Variants in CSNK1E observed in about 807,000 individuals in gnomAD.
CSNK1E encodes the protein casein kinase 1 epsilon.
CSNK1E carries 17 observed loss-of-function variants against 46.1 expected under a neutral mutation model. The observed-to-expected ratio is 0.37, with a 90% CI of 0.25 to 0.55. The LOEUF (loss-of-function observed/expected upper bound fraction) is 0.55. CSNK1E is among the 20% of genes least tolerant of loss of function. The probability of loss-of-function intolerance (pLI) is 0.82; values close to 1 mark genes in which losing one functional copy is unlikely to be tolerated. For missense variants in CSNK1E, 386 were observed against 595.4 expected (o/e 0.65, Z 3.66); for synonymous variants, 241 against 242.6 (o/e 0.99, Z 0.06).
intron 1 of CSNK1E, among the ~76,000 whole-genome samples, chr22:38,315,636 AG>A (rs933675986): frequency 8.1e-6 from 1 of 123,318 alleles, no homozygotes; most frequent in Non-Finnish European, 1.7e-5. Context: ...TTGGGGGGTA[AG>A]GGGGGGTGTG....
At chr22:38,305,940 C>T (rs928798426) in intron 2 of CSNK1E, among the ~76,000 whole-genome samples, 3 of 152,230 alleles carry the variant, frequency 2.0e-5, no homozygotes, top group East Asian at 1.9e-4. Flanking sequence ...CAAAACAAGG[C>T]GGGGACAAGG....
At chr22:38,310,381 G>A (rs1012639956) in intron 2 of CSNK1E, among the ~76,000 whole-genome samples, 5 of 152,078 alleles carry the variant, frequency 3.3e-5, no homozygotes, top group Admixed American at 1.3e-4. Flanking sequence ...AGCCTCACAC[G>A]GGGGCCTACT....
chr22:38,310,059 TG>T (rs2092714327), intron 2 of CSNK1E, among the ~76,000 whole-genome samples: 1 of 152,208 alleles, frequency 6.6e-6, no homozygotes, highest in Non-Finnish European at 1.5e-5. Flanking sequence ...CAGAACTGGA[TG>T]GGGCACAGCC....
At chr22:38,311,131 T>C (rs565579030) in intron 2 of CSNK1E, among the ~76,000 whole-genome samples, 1 of 152,062 alleles carries the variant, frequency 6.6e-6, no homozygotes. Flanking sequence ...CTAAGACCAA[T>C]GGTGGGGGCG....
In CSNK1E at chr22:38,294,252, G is replaced by C. The variant is rs1244273826; in HGVS notation, c.1079-4C>G. 3 of 1,611,174 alleles carry C rather than the reference G, an allele frequency of 1.9e-6. No homozygotes were observed. Among genetic ancestry groups the C allele is most frequent in the Non-Finnish European group, 1.7e-6 (2 of 1,179,506 alleles). On this transcript the variant is annotated splice_region_variant and splice_polypyrimidine_tract_variant and intron_variant, in intron 8 of 10. Transcript: ENST00000396832. The surrounding 1 kb of genome is among the most constrained non-coding windows in gnomAD (Gnocchi z 5.5). ...ATCGCTCTGGGAGAAGTATTGCCTG[G>C]AGGGAGAGTGGGAAGCCACCCTCAG...
rs2092663188 is a variant in CSNK1E, at chr22:38,300,111, G to A, written c.566-46C>T. On this transcript the variant is annotated intron_variant, in intron 5 of 10. Coordinates refer to ENST00000396832, the MANE Select transcript of CSNK1E (RefSeq NM_152221.3). This position sits in a 1 kb window ranked among gnomAD's most constrained non-coding sequence, Gnocchi z 4.4. The stretch of plus-strand genomic sequence containing the variant: ...TAGGTGAGGGACAGGGGTCCACTCA[G>A]GCCCCTAACTCATCCTCTGGGTCAT... The A allele has an allele frequency of 1.9e-6, 3 of 1,580,730 alleles. No homozygotes were observed. Among genetic ancestry groups the A allele is most frequent in the Non-Finnish European group, 2.6e-6 (3 of 1,156,922 alleles).
intron 4 of CSNK1E, among the ~76,000 whole-genome samples, chr22:38,301,264 C>A (rs535993424): frequency 6.6e-6 from 1 of 152,034 alleles, no homozygotes; most frequent in Admixed American, 6.5e-5. Context: ...CTTGCCTGCC[C>A]GGCCCCACAC....
chr22:38,298,252 G>A lies in CSNK1E; in HGVS notation c.885+534C>T. On this transcript the variant is annotated intron_variant, in intron 7 of 10. Coordinates refer to ENST00000396832, the MANE Select transcript of CSNK1E (RefSeq NM_152221.3). The surrounding 1 kb of genome is among the most constrained non-coding windows in gnomAD (Gnocchi z 4.2). ...AAGACATACAATTTCACAGATTCCAGAGCTCTGGGTACGGCCGGCCAATGC... is the reference window on the plus strand; with the variant it reads ...AAGACATACAATTTCACAGATTCCAAAGCTCTGGGTACGGCCGGCCAATGC... 7.8e-7 allele frequency: 1 copy of A among 1,285,232 alleles called. No homozygotes were observed. Among genetic ancestry groups the A allele is most frequent in the Non-Finnish European group, 1.0e-6 (1 of 976,216 alleles). The allele number at this position is 1,285,232 out of a possible 1,614,324, so 79.6% of individuals were successfully genotyped here.
chr22:38,318,026 T>C (rs1014223938), upstream of CSNK1E: 2 of 152,220 alleles, frequency 1.3e-5, no homozygotes, highest in Non-Finnish European at 2.9e-5. Context: ...AGACCTCTTC[T>C]TCTTTTCCCT....
chr22:38,307,746 G>T (rs1414890515), intron 2 of CSNK1E, among the ~76,000 whole-genome samples: 1 of 152,114 alleles, frequency 6.6e-6, no homozygotes, highest in Non-Finnish European at 1.5e-5. Context: ...ACCCAGGCTG[G>T]ACTGTAGTGG....
chr22:38,293,173 A>G (rs774399111), intron 10 of CSNK1E, 82 bp downstream of exon 10: 10 of 1,137,602 alleles, frequency 8.8e-6, no homozygotes, highest in South Asian at 6.1e-5. Context: ...CCACCCCTCC[A>G]CAACACATTG....
chr22:38,310,653 C>T (rs2092716832), intron 2 of CSNK1E, among the ~76,000 whole-genome samples: 1 of 152,174 alleles, frequency 6.6e-6, no homozygotes, highest in Non-Finnish European at 1.5e-5. Flanking sequence ...GCAAATGGGC[C>T]CAGATTTGGC....
At position 38,298,409 on chromosome 22, in the gene CSNK1E, A is replaced by C. The variant is rs2092652496; in HGVS notation, c.885+377T>G. ...TGGGTCCAGGCTGGCCCGAGGGGCCATGGTGCAGGTAGCCACCTGGGATGT... is the reference window on the plus strand; with the variant it reads ...TGGGTCCAGGCTGGCCCGAGGGGCCCTGGTGCAGGTAGCCACCTGGGATGT... On this transcript the variant is annotated intron_variant, in intron 7 of 10. Coordinates refer to ENST00000396832, the MANE Select transcript of CSNK1E (RefSeq NM_152221.3). The surrounding 1 kb of genome is among the most constrained non-coding windows in gnomAD (Gnocchi z 4.2). Among the ~76,000 whole-genome samples the C allele has an allele frequency of 6.6e-6, 1 of 152,018 alleles. No individual in the cohort carries two copies. Among genetic ancestry groups the C allele is most frequent in the Admixed American group, 6.6e-5 (1 of 15,260 alleles).
Position 38,294,275 on chromosome 22 carries a change from CA to C in CSNK1E, c.1079-28del, listed in dbSNP as rs377354663. 1.2e-3 allele frequency: 1,923 copies of C among 1,608,152 alleles called. 16 individuals carry two copies. The African/African-American group carries it at 0.019, about 15-fold the overall frequency. On this transcript the variant is annotated intron_variant, in intron 8 of 10. Coordinates refer to ENST00000396832, the MANE Select transcript of CSNK1E (RefSeq NM_152221.3). The surrounding 1 kb of genome is among the most constrained non-coding windows in gnomAD (Gnocchi z 5.5). ...TGGAGGGAGAGTGGGAAGCCACCCT[CA>C]GAGTAGGCACAAACAGAGCCCCCCA...
In CSNK1E at chr22:38,303,697, T is replaced by C. The variant is rs977158968; in HGVS notation, c.77-449A>G. Among the ~76,000 whole-genome samples, 3 of 152,118 alleles carry C rather than the reference T, an allele frequency of 2.0e-5. No individual in the cohort carries two copies. The South Asian group carries it at 6.2e-4, about 32-fold the overall frequency. On this transcript the variant is annotated intron_variant, in intron 2 of 10. Transcript: ENST00000396832. The surrounding 1 kb of genome is among the most constrained non-coding windows in gnomAD (Gnocchi z 4.7). ...GCCAGGACCACCCTGGCCTACAGGA[T>C]GAGGATGGGACAGCCGCAGCAACCC... is the stretch of plus-strand genomic sequence containing the variant.
At position 38,303,081 on chromosome 22, in the gene CSNK1E, C is replaced by G. The variant is rs1466421181; in HGVS notation, c.187+57G>C. The G allele has an allele frequency of 1.9e-6, 3 of 1,599,990 alleles. No individual in the cohort carries two copies. The Admixed American group carries it at 5.0e-5, about 27-fold the overall frequency. ...CCAGCCACGCCCGGCCCACCCTGTG[C>G]TCATGGCTGCCCACCGCCACCCACC... On this transcript the variant is annotated intron_variant, in intron 3 of 10. Coordinates refer to ENST00000396832, the MANE Select transcript of CSNK1E (RefSeq NM_152221.3). This position sits in a 1 kb window ranked among gnomAD's most constrained non-coding sequence, Gnocchi z 4.7.
At chr22:38,297,606 G>A in intron 7 of CSNK1E, 1 of 996,136 alleles carries the variant, frequency 1.0e-6, no homozygotes, top group Non-Finnish European at 1.2e-6. Flanking sequence ...CCAGGATGAA[G>A]CAAGAGGAGG....
intron 2 of CSNK1E, among the ~76,000 whole-genome samples, chr22:38,307,953 G>A (rs983604947): frequency 2.2e-4 from 33 of 152,276 alleles, no homozygotes; most frequent in African/African-American, 7.2e-4. Context: ...GCCTCCCAAT[G>A]TGCAGGAATT....
At chr22:38,307,946 T>G (rs2092705513) in intron 2 of CSNK1E, among the ~76,000 whole-genome samples, 1 of 152,130 alleles carries the variant, frequency 6.6e-6, no homozygotes, top group South Asian at 2.1e-4. Flanking sequence ...TGCCTCAGCC[T>G]CCCAATGTGC....
Sources: allele counts gnomAD v4.1 joint callset (sites outside exome capture counted in the v4.1 genomes callset), GRCh38; gene constraint gnomAD v4.1.1; non-coding constraint Gnocchi (gnomAD v3.1); transcripts MANE v1.5; gene names NCBI Gene and HGNC (gene_info 2026-07-23, HGNC 2026-07-21).